PARD3B: variants seen among roughly 807,000 people sequenced by gnomAD.
The protein encoded by PARD3B is partitioning defective 3 homolog B.
PARD3B carries 103 observed loss-of-function variants against 130.2 expected under a neutral mutation model. The observed-to-expected ratio is 0.79, with a 90% CI of 0.67 to 0.93. The LOEUF is 0.93. PARD3B is among the 40% of genes least tolerant of loss of function. The pLI is 0.00. For missense variants in PARD3B, 1,609 were observed against 1,499.2 expected (o/e 1.07, Z -1.21); for synonymous variants, 583 against 553.2 (o/e 1.05, Z -0.76).
chr2:204,911,610 C>T (rs1313965274), intron 2 of PARD3B, among the ~76,000 whole-genome samples: 1 of 152,116 alleles, frequency 6.6e-6, no homozygotes, highest in African/African-American at 2.4e-5. Flanking sequence ...CAGTCTGCAA[C>T]AGTGTTGTTC....
chr2:205,198,794 G>C (rs1432645723), intron 15 of PARD3B, among the ~76,000 whole-genome samples: 4 of 151,778 alleles, frequency 2.6e-5, no homozygotes, highest in Non-Finnish European at 5.9e-5. Context: ...GAATACATAG[G>C]ATAATTTTTA....
chr2:204,965,360 T>A, intron 3 of PARD3B, 37 bp downstream of exon 3: 1 of 1,578,730 alleles, frequency 6.3e-7, no homozygotes, highest in Non-Finnish European at 8.7e-7. Context: ...TTCACCTGAC[T>A]GAAGATCCGT....
Position 205,258,332 on chromosome 2 carries a change from G to A in PARD3B, c.2185+12510G>A, listed in dbSNP as rs2040175289. ...AGGCCTTTGCACATGCATTCGATTA[G>A]CCCAGAGTGATCTTCCACTCTATAC... On this transcript the variant is annotated intron_variant, in intron 16 of 22. Coordinates refer to ENST00000406610, the MANE Select transcript of PARD3B (RefSeq NM_001302769.2). This position sits in a 1 kb window ranked among gnomAD's most constrained non-coding sequence, Gnocchi z 4.9. Among the ~76,000 whole-genome samples, 1 of 152,062 alleles carries A rather than the reference G, an allele frequency of 6.6e-6. No homozygotes were observed. Among genetic ancestry groups the A allele is most frequent in the Admixed American group, 6.5e-5 (1 of 15,278 alleles).
chr2:205,600,604 C>T (rs890262523), intron 22 of PARD3B, among the ~76,000 whole-genome samples: 1 of 152,162 alleles, frequency 6.6e-6, no homozygotes, highest in African/African-American at 2.4e-5. Flanking sequence ...CAACCCATCA[C>T]CTCGGTATTA....
At chr2:204,691,038 C>T (rs74550853) in intron 2 of PARD3B, among the ~76,000 whole-genome samples, 2,453 of 152,220 alleles carry the variant, frequency 0.016, 61 homozygotes, top group African/African-American at 0.056. Flanking sequence ...GACAAACAGC[C>T]TTGTTCACTT....
intron 16 of PARD3B, among the ~76,000 whole-genome samples, chr2:205,290,851 C>T (rs989401099): frequency 1.3e-5 from 2 of 152,080 alleles, no homozygotes; most frequent in East Asian, 3.9e-4. Context: ...CTAAAAGAGG[C>T]CCCAGAAAGC....
chr2:205,538,747 A>G (rs1309115725), intron 21 of PARD3B, among the ~76,000 whole-genome samples: 2 of 152,180 alleles, frequency 1.3e-5, no homozygotes, highest in African/African-American at 2.4e-5. Context: ...AATGAACTCT[A>G]CAGGGCAGGG....
rs1175842357 is a variant in PARD3B, at chr2:205,500,032, G to A, written c.3180+1G>A. The A allele has an allele frequency of 2.5e-6, 4 of 1,612,656 alleles. No homozygotes were observed. The Admixed American group carries it at 5.0e-5, about 20-fold the overall frequency. On this transcript the variant is annotated splice_donor_variant, in intron 21 of 22. Transcript: ENST00000406610. LOFTEE classifies it high-confidence loss of function. ...GCCATCTGAGTATGACCTACTCTGG[G>A]TAAGCGCATGCATGATTTCAATCGT...
intron 2 of PARD3B, among the ~76,000 whole-genome samples, chr2:204,883,410 T>C (rs1245969586): frequency 8.6e-6 from 1 of 116,700 alleles, no homozygotes; most frequent in Non-Finnish European, 1.8e-5. Context: ...ATATATTATA[T>C]ATATATAATA....
chr2:205,604,716 G>A (rs747121039), intron 22 of PARD3B, among the ~76,000 whole-genome samples: 4 of 152,234 alleles, frequency 2.6e-5, no homozygotes, highest in Admixed American at 6.5e-5. Flanking sequence ...GTATCTTACC[G>A]GTGTTCTCTG....
rs2042317734 is a variant in PARD3B at position 205,309,947 on chromosome 2, A to G, written c.2630+8246A>G. 6.6e-6 allele frequency among the ~76,000 whole-genome samples: 1 copy of G among 152,080 alleles called. No individual in the cohort carries two copies. The highest frequency in any genetic ancestry group is 1.5e-5 in the Non-Finnish European group (1 of 68,014). ...ATCTATCATCTATTTTTCATTGGAA[A>G]GTAAAAACTGTCTATATATGGTATG... is the stretch of plus-strand genomic sequence containing the variant. On this transcript the variant is annotated intron_variant, in intron 18 of 22. Coordinates refer to ENST00000406610, the MANE Select transcript of PARD3B (RefSeq NM_001302769.2). This position sits in a 1 kb window ranked among gnomAD's most constrained non-coding sequence, Gnocchi z 4.7.
chr2:205,140,329 G>T lies in PARD3B; in HGVS notation c.1434+14592G>T, dbSNP rs533461397. On this transcript the variant is annotated intron_variant, in intron 10 of 22. Transcript: ENST00000406610. ...ATTATCATAAATCCACAGATAAAAA[G>T]CACAGTGGTCAATGAGAACAGGCAT... Among the ~76,000 whole-genome samples, 13 of 152,102 alleles carry T rather than the reference G, an allele frequency of 8.5e-5. No individual in the cohort carries two copies. The South Asian group carries it at 2.7e-3, about 32-fold the overall frequency.
chr2:204,893,874 T>C (rs2046540844), intron 2 of PARD3B, among the ~76,000 whole-genome samples: 1 of 152,148 alleles, frequency 6.6e-6, no homozygotes, highest in South Asian at 2.1e-4. Flanking sequence ...GAATAACTTT[T>C]ATTATATTAT....
intron 3 of PARD3B, among the ~76,000 whole-genome samples, chr2:205,022,028 T>G (rs1331138489): frequency 1.3e-5 from 2 of 152,224 alleles, no homozygotes; most frequent in Non-Finnish European, 2.9e-5. Context: ...TTACTCTTAC[T>G]TTCATAATTT....
chr2:205,217,134 T>C (rs1324335308), intron 15 of PARD3B, among the ~76,000 whole-genome samples: 1 of 152,178 alleles, frequency 6.6e-6, no homozygotes, highest in Non-Finnish European at 1.5e-5. Flanking sequence ...TCTTATTCAT[T>C]GGCCAGGACT....
rs994203391 is a variant in PARD3B at position 205,291,222 on chromosome 2, G to C, written c.2186-9308G>C. On this transcript the variant is annotated intron_variant, in intron 16 of 22. Transcript: ENST00000406610. This position sits in a 1 kb window ranked among gnomAD's most constrained non-coding sequence, Gnocchi z 4.6. ...AGGTGATTCTGGCAAGGGCTCCAAA[G>C]CAAAACAAAAACAAACAAAAAAAGC... Among the ~76,000 whole-genome samples the C allele has an allele frequency of 6.6e-6, 1 of 151,994 alleles. No homozygotes were observed. Among genetic ancestry groups the C allele is most frequent in the African/African-American group, 2.4e-5 (1 of 41,406 alleles).
At chr2:204,796,927 C>T (rs781228843) in intron 2 of PARD3B, among the ~76,000 whole-genome samples, 5 of 152,068 alleles carry the variant, frequency 3.3e-5, no homozygotes, top group Non-Finnish European at 7.4e-5. Context: ...GTAATCTTAG[C>T]ACTTTGGGAG....
chr2:204,693,941 G>C (rs1001695603), intron 2 of PARD3B, among the ~76,000 whole-genome samples: 2 of 152,164 alleles, frequency 1.3e-5, no homozygotes, highest in East Asian at 3.9e-4. Flanking sequence ...CTGCAGCAGT[G>C]CCTGGCATTT....
chr2:204,888,083 G>A (rs1330281521), intron 2 of PARD3B, among the ~76,000 whole-genome samples: 2 of 152,158 alleles, frequency 1.3e-5, no homozygotes, highest in African/African-American at 4.8e-5. Context: ...GATCAGAAGA[G>A]TGGAAGTAGA....
Sources: gnomAD v4.1 joint callset for allele counts (sites outside exome capture counted in the v4.1 genomes callset) on GRCh38, gnomAD v4.1.1 for gene constraint, Gnocchi (gnomAD v3.1) non-coding constraint, MANE v1.5 for transcripts, NCBI Gene and HGNC (gene_info 2026-07-23, HGNC 2026-07-21) for gene names.